Variants in ABCC5 observed in about 807,000 individuals in gnomAD.
The protein encoded by ABCC5 is ATP binding cassette subfamily C member 5, also known as ATP-binding cassette sub-family C member 5.
A neutral mutation model predicts 160.9 loss-of-function variants in ABCC5; 61 were observed. The observed-to-expected ratio is 0.38, with a 90% confidence interval of 0.31 to 0.47. The LOEUF is 0.47. Among genes scored for constraint, ABCC5 ranks in the 20% least tolerant of loss-of-function variants. The pLI is 0.99. For synonymous variants in ABCC5, 666 were observed against 700.6 expected (o/e 0.95, Z 0.78); for missense variants, 1,308 against 1,813.3 (o/e 0.72, Z 5.06).
At chr3:183,930,594 T>C (rs1713083276) in intron 26 of ABCC5, among the ~76,000 whole-genome samples, 1 of 152,208 alleles carries the variant, frequency 6.6e-6, no homozygotes, top group African/African-American at 2.4e-5. Flanking sequence ...TTATGAGAGA[T>C]GGCCACGTGA....
chr3:183,927,951 C>A, intron 27 of ABCC5: 1 of 397,112 alleles, frequency 2.5e-6, no homozygotes, highest in Non-Finnish European at 3.4e-6. Flanking sequence ...CTGACTCAAC[C>A]CAGGCATAAC....
Position 183,965,379 on chromosome 3 carries a change from T to G in ABCC5, c.1956A>C (p.Glu652Asp). ...GACAGAAGCCAAACATTCCTTGCCT[T>G]TCTTCATCATATTCCTTCCCAAACA... ...NILFGKEYDE[E>D]RYNSVLNSCC... Residue 652 changes from glutamate (E) to aspartate (D), a missense_variant and splice_region_variant, in exon 13 of 30, where the codon GAA becomes GAC. Coordinates refer to ENST00000334444, the MANE Select transcript of ABCC5 (RefSeq NM_005688.4). 6.2e-7 allele frequency: 1 copy of G among 1,614,166 alleles called. No individual in the cohort carries two copies. The highest frequency in any genetic ancestry group is 8.5e-7 in the Non-Finnish European group (1 of 1,180,032).
At chr3:183,948,984 G>A (rs1385818157) in intron 22 of ABCC5, among the ~76,000 whole-genome samples, 3 of 152,144 alleles carry the variant, frequency 2.0e-5, no homozygotes, top group African/African-American at 7.2e-5. Flanking sequence ...CATTACAGGC[G>A]GGAGCCACTG....
intron 24 of ABCC5, 48 bp downstream of exon 24, chr3:183,945,802 G>T: frequency 6.5e-7 from 1 of 1,527,520 alleles, no homozygotes; most frequent in South Asian, 1.1e-5. Flanking sequence ...AGGGTAAACC[G>T]ACTCCAAGAG....
rs370011648 is a variant in ABCC5 at position 184,010,192 on chromosome 3, G to A, written c.129+4072C>T. ...TGAGGCAGGAGAATTGCTTGAGCCC[G>A]GGAGGTGGAGGTTGCAGTGAGCTGA... On this transcript the variant is annotated intron_variant, in intron 2 of 29. Transcript: ENST00000334444. 4.1e-3 allele frequency among the ~76,000 whole-genome samples: 621 copies of A among 149,648 alleles called. 5 individuals carry two copies. The highest frequency in any genetic ancestry group is 0.015 in the African/African-American group (593 of 40,574).
chr3:183,983,380 T>C lies in ABCC5; in HGVS notation c.592-373A>G, dbSNP rs1481930071. The C allele has an allele frequency of 3.2e-5, 8 of 251,980 alleles. No individual in the cohort carries two copies. In the Admixed American group the frequency reaches 3.4e-4, roughly 11 times the overall value. 15.6% of individuals were successfully genotyped at this position (251,980 alleles called of 1,614,324 possible). On this transcript the variant is annotated intron_variant, in intron 5 of 29. Transcript: ENST00000334444. ...ATTTGTTTACATGAAATTAAGACCT[T>C]TTTTTTGGATCGTTTCAAACGTGCT...
chr3:183,963,646 G>A lies in ABCC5; in HGVS notation c.2032-58C>T, dbSNP rs1222806669. On this transcript the variant is annotated intron_variant, in intron 14 of 29. Transcript: ENST00000334444. The surrounding 1 kb of genome is among the most constrained non-coding windows in gnomAD (Gnocchi z 4.6). Reference sequence around the variant, plus strand: ...AGCGCAAGTCCAGAACAGCGTGGAGGGGTCACCCAGTCACTTCTCTTCTTG... The same window carrying A: ...AGCGCAAGTCCAGAACAGCGTGGAGAGGTCACCCAGTCACTTCTCTTCTTG... 1.9e-6 allele frequency: 3 copies of A among 1,553,308 alleles called. No homozygotes were observed. Among genetic ancestry groups the A allele is most frequent in the Middle Eastern group, 2.3e-4 (1 of 4,318 alleles).
intron 5 of ABCC5, chr3:183,985,019 T>G: frequency 1.2e-6 from 1 of 826,864 alleles, no homozygotes; most frequent in Non-Finnish European, 1.9e-6. Flanking sequence ...GTAAAAGACA[T>G]AGTGAATGTT....
intron 2 of ABCC5, among the ~76,000 whole-genome samples, chr3:183,991,400 C>T (rs1371465277): frequency 1.3e-5 from 2 of 152,168 alleles, no homozygotes; most frequent in Non-Finnish European, 2.9e-5. Context: ...ACCTAACACA[C>T]CAAGCCTTAT....
At chr3:183,946,287 T>C (rs1182316713) in intron 23 of ABCC5, among the ~76,000 whole-genome samples, 1 of 152,230 alleles carries the variant, frequency 6.6e-6, no homozygotes, top group Non-Finnish European at 1.5e-5. Context: ...AATGGAGATA[T>C]CAACCTATGA....
intron 8 of ABCC5, 118 bp downstream of exon 8, chr3:183,981,609 C>T (rs1286989761): frequency 7.1e-6 from 8 of 1,121,556 alleles, no homozygotes; most frequent in East Asian, 5.0e-5. Context: ...TTATGTCCTA[C>T]GATACTAGAC....
At chr3:183,922,206 T>C (rs1393132530) in intron 29 of ABCC5, among the ~76,000 whole-genome samples, 1 of 151,824 alleles carries the variant, frequency 6.6e-6, no homozygotes, top group African/African-American at 2.4e-5. Flanking sequence ...ACCCTGTCTC[T>C]AGTGAAAATA....
chr3:183,928,223 T>G (rs531828392), intron 27 of ABCC5, among the ~76,000 whole-genome samples: 1 of 152,006 alleles, frequency 6.6e-6, no homozygotes, highest in Non-Finnish European at 1.5e-5. Flanking sequence ...GCGATTCTCC[T>G]GTCTCAGCCT....
chr3:183,945,806 C>A, intron 24 of ABCC5, 44 bp downstream of exon 24: 1 of 1,556,658 alleles, frequency 6.4e-7, no homozygotes. Flanking sequence ...TAAACCGACT[C>A]CAAGAGGAGT....
chr3:183,995,807 CTTG>C (rs1488546869), intron 2 of ABCC5, among the ~76,000 whole-genome samples: 2 of 151,898 alleles, frequency 1.3e-5, no homozygotes, highest in East Asian at 1.9e-4. Context: ...AAGGGGTTTT[CTTG>C]TTGTTGTTTT....
chr3:183,956,754 G>T (rs1236904499), intron 17 of ABCC5, among the ~76,000 whole-genome samples: 2 of 28,962 alleles, frequency 6.9e-5, no homozygotes, highest in African/African-American at 3.1e-4. Flanking sequence ...GGTTACATGC[G>T]GATCCGTGTG....
intron 2 of ABCC5, among the ~76,000 whole-genome samples, chr3:183,994,359 C>T (rs1358482223): frequency 6.9e-6 from 1 of 145,112 alleles, no homozygotes; most frequent in African/African-American, 2.6e-5. Context: ...ACATCCTCAC[C>T]AGTGCTTGGT....
rs144373862 is a variant in ABCC5 at position 183,981,006 on chromosome 3, G to A, written c.1147+721C>T. ...GGGATTACAGGCGTGAGCCACTGGCGCCTGGCCTGAACACTGTATTTCTAC... is the reference window on the plus strand; with the variant it reads ...GGGATTACAGGCGTGAGCCACTGGCACCTGGCCTGAACACTGTATTTCTAC... On this transcript the variant is annotated intron_variant, in intron 8 of 29. Transcript: ENST00000334444. 3.2e-4 allele frequency among the ~76,000 whole-genome samples: 49 copies of A among 152,190 alleles called. No homozygotes were observed. In the East Asian group the frequency reaches 8.7e-3, roughly 27 times the overall value.
chr3:183,940,462 GA>G (rs537025178), intron 25 of ABCC5, among the ~76,000 whole-genome samples: 3,991 of 64,334 alleles, frequency 0.062, 176 homozygotes, highest in African/African-American at 0.22. Context: ...TCTGTCTCAG[GA>G]AAAAAAAAAA....
Sources: allele counts gnomAD v4.1 joint callset (sites outside exome capture counted in the v4.1 genomes callset), GRCh38; gene constraint gnomAD v4.1.1; non-coding constraint Gnocchi (gnomAD v3.1); transcripts MANE v1.5; gene names NCBI Gene and HGNC (gene_info 2026-07-23, HGNC 2026-07-21).